Variants in LINGO2 observed in about 807,000 individuals in gnomAD.
LINGO2 encodes the protein leucine-rich repeat and immunoglobulin-like domain-containing nogo receptor-interacting protein 2.
Under a neutral mutation model 30.6 loss-of-function variants are expected in LINGO2, and 14 were observed. That is an observed-to-expected ratio of 0.46 (90% CI 0.30 to 0.72). The LOEUF (loss-of-function observed/expected upper bound fraction) is 0.72. LINGO2 is among the 30% of genes least tolerant of loss of function. The probability of loss-of-function intolerance (pLI) is 0.07; values close to 1 mark genes in which losing one functional copy is unlikely to be tolerated. For missense variants in LINGO2, 729 were observed against 751.7 expected, an observed-to-expected ratio of 0.97 and a Z score of 0.35; for synonymous variants, 317 against 288.5, an observed-to-expected ratio of 1.10 and a Z score of -1.00.
the LINGO2 span, among the ~76,000 whole-genome samples, chr9:28,917,763 G>C: frequency 6.6e-6 from 1 of 152,042 alleles, no homozygotes. Context: ...GCAAGAGAAA[G>C]CTTGCTCATT....
At chr9:28,546,946 T>C (rs980594320) in intron 1 of LINGO2, among the ~76,000 whole-genome samples, 5 of 152,098 alleles carry the variant, frequency 3.3e-5, no homozygotes, top group Admixed American at 6.6e-5. Context: ...CTAAGTTGCA[T>C]TGAAAGTCTT....
intron 3 of LINGO2, among the ~76,000 whole-genome samples, chr9:28,369,515 A>C (rs1820816138): frequency 6.6e-6 from 1 of 152,176 alleles, no homozygotes; most frequent in Non-Finnish European, 1.5e-5. Context: ...AGATTTACTG[A>C]CATTTGGGTA....
At chr9:28,778,329 T>C in the LINGO2 span, among the ~76,000 whole-genome samples, 1 of 152,190 alleles carries the variant, frequency 6.6e-6, no homozygotes. Flanking sequence ...TATGTGATTT[T>C]TTTTCTTATC....
the LINGO2 span, among the ~76,000 whole-genome samples, chr9:28,803,769 GACC>G: frequency 2.0e-5 from 3 of 151,838 alleles, no homozygotes; most frequent in Non-Finnish European, 4.4e-5. Flanking sequence ...CCATAAAATG[GACC>G]ACAACTTAAT....
chr9:28,970,992 A>G, the LINGO2 span, among the ~76,000 whole-genome samples: 1 of 152,088 alleles, frequency 6.6e-6, no homozygotes, highest in African/African-American at 2.4e-5. Context: ...CCCCTTGAGG[A>G]GAGGAAAGGG....
At position 28,211,391 on chromosome 9, in the gene LINGO2, T is replaced by C. The variant is rs555258332; in HGVS notation, c.-87+83817A>G. Among the ~76,000 whole-genome samples the C allele has an allele frequency of 3.3e-5, 5 of 151,060 alleles. No homozygotes were observed. The East Asian group carries it at 9.7e-4, about 29-fold the overall frequency. The stretch of plus-strand genomic sequence containing the variant: ...GAGCACCTGTTAAATTGTGTACCAC[T>C]AAGGGAGTAAAATACACACAATAAT... On this transcript the variant is annotated intron_variant, in intron 4 of 5. Coordinates refer to ENST00000379992, the Ensembl canonical transcript of LINGO2.
At chr9:28,218,514 T>C (rs4574938) in intron 4 of LINGO2, among the ~76,000 whole-genome samples, 113,511 of 151,872 alleles carry the variant, frequency 0.75, 42,725 homozygotes, top group East Asian at 0.83. Flanking sequence ...AAAGAACAGA[T>C]GTGACAAAGC....
chr9:28,082,123 G>C (rs1353485411), intron 4 of LINGO2, among the ~76,000 whole-genome samples: 1 of 152,132 alleles, frequency 6.6e-6, no homozygotes, highest in Non-Finnish European at 1.5e-5. Context: ...CTTCCTGCCA[G>C]AAGTAGGTGG....
chr9:28,607,554 G>T (rs948078450), intron 1 of LINGO2, among the ~76,000 whole-genome samples: 12 of 151,938 alleles, frequency 7.9e-5, no homozygotes, highest in African/African-American at 2.9e-4. Context: ...CTTTCACTCT[G>T]TTTCTACATT....
the LINGO2 span, among the ~76,000 whole-genome samples, chr9:29,060,804 G>A: frequency 6.6e-6 from 1 of 151,708 alleles, no homozygotes; most frequent in African/African-American, 2.4e-5. Flanking sequence ...AGATAAAAGA[G>A]TGAAGTTGAA....
the LINGO2 span, among the ~76,000 whole-genome samples, chr9:28,990,581 G>A: frequency 1.3e-5 from 2 of 152,116 alleles, no homozygotes; most frequent in Non-Finnish European, 1.5e-5. Flanking sequence ...CCTGACCCCT[G>A]AGCAGCCTAA....
At chr9:28,494,978 G>A (rs1417044505) in intron 1 of LINGO2, among the ~76,000 whole-genome samples, 3 of 152,176 alleles carry the variant, frequency 2.0e-5, no homozygotes, top group Non-Finnish European at 4.4e-5. Context: ...GTGATGATGA[G>A]CATTTTTTCA....
chr9:28,514,095 G>C (rs1246148923), intron 1 of LINGO2, among the ~76,000 whole-genome samples: 1 of 152,190 alleles, frequency 6.6e-6, no homozygotes, highest in Non-Finnish European at 1.5e-5. Context: ...GTTTTGAAAT[G>C]CTAGAAATTA....
the LINGO2 span, among the ~76,000 whole-genome samples, chr9:28,876,611 T>A: frequency 6.6e-6 from 1 of 152,176 alleles, no homozygotes; most frequent in Admixed American, 6.6e-5. Context: ...TAGTATTCCA[T>A]GGTGTATATG....
At chr9:28,769,141 A>C in the LINGO2 span, among the ~76,000 whole-genome samples, 1 of 151,884 alleles carries the variant, frequency 6.6e-6, no homozygotes, top group Admixed American at 6.6e-5. Context: ...GGTATTCTAT[A>C]TCTGCATTGT....
chr9:28,108,357 A>G (rs978033918), intron 4 of LINGO2, among the ~76,000 whole-genome samples: 2 of 152,254 alleles, frequency 1.3e-5, no homozygotes, highest in African/African-American at 4.8e-5. Flanking sequence ...GTGTGCTACA[A>G]CTATTAAACA....
chr9:28,055,224 A>G lies in LINGO2; in HGVS notation c.-86-42819T>C, dbSNP rs190350987. 5.1e-3 allele frequency among the ~76,000 whole-genome samples: 776 copies of G among 152,264 alleles called. 1 individual carries two copies. Among genetic ancestry groups the G allele is most frequent in the Admixed American group, 9.6e-3 (146 of 15,284 alleles). ...TGCAGACAATTTCTTATGAACGTGA[A>G]AATAACTTACGAATAAGGTAGAAGC... On this transcript the variant is annotated intron_variant, in intron 4 of 5. Transcript: ENST00000379992.
At chr9:29,197,791 G>A in the LINGO2 span, among the ~76,000 whole-genome samples, 1 of 151,996 alleles carries the variant, frequency 6.6e-6, no homozygotes, top group African/African-American at 2.4e-5. Flanking sequence ...CACTGTTTAA[G>A]CTGGAGCAAT....
the LINGO2 span, among the ~76,000 whole-genome samples, chr9:28,860,729 G>C: frequency 2.7e-5 from 4 of 148,792 alleles, no homozygotes; most frequent in African/African-American, 9.8e-5. Context: ...AAACATAACA[G>C]GACAAAATGC....
Sources: gnomAD v4.1 joint callset for allele counts (sites outside exome capture counted in the v4.1 genomes callset) on GRCh38, gnomAD v4.1.1 for gene constraint, MANE v1.5 for transcripts, NCBI Gene and HGNC (gene_info 2026-07-23, HGNC 2026-07-21) for gene names.